Variants in ENTREP2 observed in about 807,000 individuals in gnomAD.
ENTREP2 encodes protein ENTREP2.
the ENTREP2 span, among the ~76,000 whole-genome samples, chr15:29,179,019 G>A: frequency 6.6e-6 from 1 of 152,148 alleles, no homozygotes; most frequent in Non-Finnish European, 1.5e-5. Flanking sequence ...AACTATTTAT[G>A]TGGCCTACAG....
At chr15:29,606,061 G>T in the ENTREP2 span, among the ~76,000 whole-genome samples, 1 of 151,780 alleles carries the variant, frequency 6.6e-6, no homozygotes, top group African/African-American at 2.4e-5. Flanking sequence ...ACCCAAATTT[G>T]CTCCCCTAGA....
At chr15:29,499,865 A>T in the ENTREP2 span, among the ~76,000 whole-genome samples, 1 of 152,188 alleles carries the variant, frequency 6.6e-6, no homozygotes, top group African/African-American at 2.4e-5. Context: ...CTCACTTTAG[A>T]TTAAAAGACA....
chr15:29,548,359 G>T, the ENTREP2 span, among the ~76,000 whole-genome samples: 24 of 150,854 alleles, frequency 1.6e-4, no homozygotes, highest in African/African-American at 5.9e-4. Flanking sequence ...CAGAGGCTGA[G>T]ACACGAGAAT....
chr15:29,140,571 C>G, the ENTREP2 span, among the ~76,000 whole-genome samples: 2 of 152,158 alleles, frequency 1.3e-5, no homozygotes, highest in African/African-American at 4.8e-5. Context: ...TTGAACAAAC[C>G]AGCTCTAATC....
the ENTREP2 span, among the ~76,000 whole-genome samples, chr15:29,330,374 G>T: frequency 6.6e-6 from 1 of 151,970 alleles, no homozygotes; most frequent in African/African-American, 2.4e-5. Flanking sequence ...GTTTGAACCC[G>T]GGAGGCAGAG....
At chr15:29,588,624 A>G in the ENTREP2 span, among the ~76,000 whole-genome samples, 1 of 151,864 alleles carries the variant, frequency 6.6e-6, no homozygotes, top group South Asian at 2.1e-4. Flanking sequence ...ACAGAAAGAC[A>G]GAAGGAAGGA....
At chr15:29,508,991 T>C in the ENTREP2 span, among the ~76,000 whole-genome samples, 4 of 152,320 alleles carry the variant, frequency 2.6e-5, no homozygotes, top group East Asian at 7.7e-4. Context: ...TGATTGTATA[T>C]TTAGAAAACC....
At chr15:29,641,423 G>T in the ENTREP2 span, among the ~76,000 whole-genome samples, 8 of 151,958 alleles carry the variant, frequency 5.3e-5, no homozygotes, top group Admixed American at 5.2e-4. Flanking sequence ...AGGGGTCTAA[G>T]AAAAAAATTA....
At chr15:29,550,816 C>T in the ENTREP2 span, among the ~76,000 whole-genome samples, 1 of 152,188 alleles carries the variant, frequency 6.6e-6, no homozygotes, top group Admixed American at 6.5e-5. Flanking sequence ...ACGCAGCAAA[C>T]ATTTAGTAAG....
chr15:29,275,822 T>G, the ENTREP2 span, among the ~76,000 whole-genome samples: 1 of 152,228 alleles, frequency 6.6e-6, no homozygotes, highest in African/African-American at 2.4e-5. Flanking sequence ...AGGTGAGGAC[T>G]TCTTAGGAAG....
the ENTREP2 span, among the ~76,000 whole-genome samples, chr15:29,567,217 G>A: frequency 6.6e-6 from 1 of 152,108 alleles, no homozygotes; most frequent in Non-Finnish European, 1.5e-5. Context: ...ATTCATCACA[G>A]ACCTCCGGCC....
At chr15:29,196,182 C>T in the ENTREP2 span, among the ~76,000 whole-genome samples, 1 of 152,130 alleles carries the variant, frequency 6.6e-6, no homozygotes, top group African/African-American at 2.4e-5. Flanking sequence ...CCATTTGCAT[C>T]CGAATTTGCA....
At chr15:29,212,878 T>C in the ENTREP2 span, among the ~76,000 whole-genome samples, 1 of 152,242 alleles carries the variant, frequency 6.6e-6, no homozygotes, top group African/African-American at 2.4e-5. Context: ...GCCTATGTCC[T>C]GAATAGTATT....
At chr15:29,353,147 T>A in the ENTREP2 span, among the ~76,000 whole-genome samples, 2 of 152,188 alleles carry the variant, frequency 1.3e-5, no homozygotes, top group Non-Finnish European at 2.9e-5. Context: ...GCATTTTTTT[T>A]TAATGTTTAA....
chr15:29,118,299 T>TGAA, the ENTREP2 span: 1 of 152,460 alleles, frequency 6.6e-6, no homozygotes, highest in Admixed American at 6.5e-5. Context: ...CTAATAAACC[T>TGAA]GAAGTCGTGA....
At chr15:29,657,335 G>A in the ENTREP2 span, among the ~76,000 whole-genome samples, 4 of 146,992 alleles carry the variant, frequency 2.7e-5, no homozygotes, top group African/African-American at 5.4e-5. Flanking sequence ...GCCCACCAGT[G>A]TTACAGCTCT....
At chr15:29,192,147 G>A in the ENTREP2 span, among the ~76,000 whole-genome samples, 4 of 152,152 alleles carry the variant, frequency 2.6e-5, no homozygotes, top group Non-Finnish European at 5.9e-5. Flanking sequence ...AGGGGACAGG[G>A]AAGTACAATC....
At chr15:29,252,232 C>A in the ENTREP2 span, 2 of 524,972 alleles carry the variant, frequency 3.8e-6, no homozygotes, top group Non-Finnish European at 6.8e-6. Context: ...CCTAAATACC[C>A]TAAACTAGAA....
the ENTREP2 span, among the ~76,000 whole-genome samples, chr15:29,583,420 C>T: frequency 4.6e-5 from 7 of 152,154 alleles, no homozygotes; most frequent in East Asian, 1.9e-4. Flanking sequence ...TTCTTACTTA[C>T]GAGTGGGAGC....
Sources: gnomAD v4.1 joint callset for allele counts (sites outside exome capture counted in the v4.1 genomes callset) on GRCh38, gnomAD v4.1.1 for gene constraint, MANE v1.5 for transcripts, NCBI Gene and HGNC (gene_info 2026-07-23, HGNC 2026-07-21) for gene names.